The following EFNA5 variants were observed in gnomAD, a reference collection of about 807,000 sequenced individuals.
EFNA5 encodes the protein ephrin A5, also known as ephrin-A5.
A neutral mutation model predicts 22.9 loss-of-function variants in EFNA5; 5 were observed. That is an observed-to-expected ratio of 0.22 (90% CI 0.11 to 0.46). The LOEUF is 0.46. Among genes scored for constraint, EFNA5 ranks in the 20% least tolerant of loss-of-function variants. The pLI, the probability that EFNA5 is intolerant of heterozygous loss-of-function variation, is 0.99. For missense variants in EFNA5, 237 were observed against 293.3 expected (o/e 0.81, Z 1.40); for synonymous variants, 113 against 112.2 (o/e 1.01, Z -0.04).
At chr5:107,530,347 A>C (rs1390048820) in intron 1 of EFNA5, among the ~76,000 whole-genome samples, 3 of 152,174 alleles carry the variant, frequency 2.0e-5, no homozygotes. Flanking sequence ...ACCTTCACTC[A>C]CATTTGGTTG....
intron 1 of EFNA5, among the ~76,000 whole-genome samples, chr5:107,607,839 G>C (rs1349424669): frequency 6.6e-6 from 1 of 152,042 alleles, no homozygotes; most frequent in African/African-American, 2.4e-5. Flanking sequence ...TCTATAAAAA[G>C]ACCTGGACCA....
intron 1 of EFNA5, among the ~76,000 whole-genome samples, chr5:107,512,629 C>G (rs899801152): frequency 6.6e-5 from 10 of 152,066 alleles, no homozygotes; most frequent in Admixed American, 5.2e-4. Flanking sequence ...CAGAGCCAAA[C>G]ACACACCATG....
At chr5:107,608,497 T>A (rs911263538) in intron 1 of EFNA5, among the ~76,000 whole-genome samples, 1 of 152,264 alleles carries the variant, frequency 6.6e-6, no homozygotes, top group African/African-American at 2.4e-5. Flanking sequence ...TGTAGACAGA[T>A]CTTTCTGCCT....
At chr5:107,668,492 G>C (rs933808262) in intron 1 of EFNA5, among the ~76,000 whole-genome samples, 2 of 152,158 alleles carry the variant, frequency 1.3e-5, no homozygotes, top group Admixed American at 6.5e-5. Flanking sequence ...AAGAAGGGGG[G>C]TTAAAGTAGG....
chr5:107,620,517 G>A (rs2112528213), intron 1 of EFNA5, among the ~76,000 whole-genome samples: 1 of 152,256 alleles, frequency 6.6e-6, no homozygotes, highest in South Asian at 2.1e-4. Flanking sequence ...ACTTAATAAT[G>A]GGTTCTGTAT....
At chr5:107,556,037 C>T (rs1748404340) in intron 1 of EFNA5, among the ~76,000 whole-genome samples, 1 of 152,218 alleles carries the variant, frequency 6.6e-6, no homozygotes, top group South Asian at 2.1e-4. Context: ...TGTGCCCCTC[C>T]AAAATATACC....
At chr5:107,569,487 T>TTA (rs558795095) in intron 1 of EFNA5, among the ~76,000 whole-genome samples, 9 of 137,210 alleles carry the variant, frequency 6.6e-5, no homozygotes, top group East Asian at 6.1e-4. Context: ...GTATATATAT[T>TTA]TATATATATG....
chr5:107,548,076 T>A (rs1748208366), intron 1 of EFNA5, among the ~76,000 whole-genome samples: 1 of 152,176 alleles, frequency 6.6e-6, no homozygotes, highest in African/African-American at 2.4e-5. Flanking sequence ...GAAGAAGCCA[T>A]AAAAATCAAG....
intron 2 of EFNA5, among the ~76,000 whole-genome samples, chr5:107,397,470 C>A (rs760473054): frequency 2.8e-4 from 42 of 152,012 alleles, no homozygotes; most frequent in Non-Finnish European, 4.9e-4. Context: ...ATTGTTTGAA[C>A]CTGGGAGGCG....
intron 1 of EFNA5, among the ~76,000 whole-genome samples, chr5:107,557,984 C>T (rs1385012844): frequency 1.3e-5 from 2 of 151,948 alleles, no homozygotes; most frequent in African/African-American, 2.4e-5. Flanking sequence ...TCTACCCCCA[C>T]GGTATAGGTG....
chr5:107,492,166 GC>G (rs1195828462), intron 1 of EFNA5, among the ~76,000 whole-genome samples: 1 of 151,842 alleles, frequency 6.6e-6, no homozygotes, highest in Non-Finnish European at 1.5e-5. Flanking sequence ...ACAAATAAAA[GC>G]AAAACAACTA....
intron 1 of EFNA5, among the ~76,000 whole-genome samples, chr5:107,641,150 G>A (rs1434324302): frequency 6.6e-6 from 1 of 152,146 alleles, no homozygotes; most frequent in African/African-American, 2.4e-5. Context: ...TTGAGGTCAG[G>A]AGTTCGAGAC....
intron 1 of EFNA5, among the ~76,000 whole-genome samples, chr5:107,648,504 G>C (rs1328310847): frequency 6.6e-6 from 1 of 152,118 alleles, no homozygotes; most frequent in East Asian, 1.9e-4. Context: ...GCTGTGAATT[G>C]AAAACATTTT....
At chr5:107,642,333 G>A (rs1194751351) in intron 1 of EFNA5, among the ~76,000 whole-genome samples, 1 of 151,886 alleles carries the variant, frequency 6.6e-6, no homozygotes, top group African/African-American at 2.4e-5. Context: ...GATTTCAAGG[G>A]TTCTCACCAC....
intron 1 of EFNA5, among the ~76,000 whole-genome samples, chr5:107,646,335 T>C (rs1468862037): frequency 1.3e-5 from 2 of 152,280 alleles, no homozygotes; most frequent in African/African-American, 4.8e-5. Flanking sequence ...GTACATGTCG[T>C]ACATCTTATA....
intron 1 of EFNA5, among the ~76,000 whole-genome samples, chr5:107,437,108 C>T (rs1749130469): frequency 6.6e-6 from 1 of 152,072 alleles, no homozygotes; most frequent in Admixed American, 6.6e-5. Context: ...TTAGCCCACA[C>T]TTTTAAAAAA....
At chr5:107,427,750 C>T (rs1748844915) in intron 1 of EFNA5, among the ~76,000 whole-genome samples, 1 of 152,016 alleles carries the variant, frequency 6.6e-6, no homozygotes, top group Non-Finnish European at 1.5e-5. Context: ...AAACTAAGTG[C>T]TTTGCTTTCA....
chr5:107,428,303 C>A (rs779727100), intron 1 of EFNA5, among the ~76,000 whole-genome samples: 4 of 152,178 alleles, frequency 2.6e-5, no homozygotes, highest in Admixed American at 6.5e-5. Context: ...AATCCCTCAA[C>A]AGGTCATGTT....
chr5:107,422,112 CACTTA>C (rs1194098845), intron 2 of EFNA5, among the ~76,000 whole-genome samples: 1 of 152,148 alleles, frequency 6.6e-6, no homozygotes, highest in African/African-American at 2.4e-5. Flanking sequence ...GTTGCTTACT[CACTTA>C]ACTTCCTCCC....
Sources: allele counts gnomAD v4.1 joint callset (sites outside exome capture counted in the v4.1 genomes callset), GRCh38; gene constraint gnomAD v4.1.1; transcripts MANE v1.5; gene names NCBI Gene and HGNC (gene_info 2026-07-23, HGNC 2026-07-21).